The following ZFHX3 variants were observed in gnomAD, a reference collection of about 807,000 sequenced individuals.
The protein encoded by ZFHX3 is zinc finger homeobox protein 3.
In ZFHX3, 42 loss-of-function variants were observed where a neutral mutation model predicts 279.1. That is an observed-to-expected ratio of 0.15 (90% confidence interval 0.12 to 0.19). The LOEUF (loss-of-function observed/expected upper bound fraction) is 0.19, where lower values mean the gene tolerates loss of function less well. ZFHX3 is among the 10% of genes least tolerant of loss of function. ZFHX3 has a pLI of 1.00. For synonymous variants in ZFHX3, 2,293 were observed against 1,957.8 expected, an observed-to-expected ratio of 1.17 and a Z score of -4.52; for missense variants, 4,981 against 4,754.0, an observed-to-expected ratio of 1.05 and a Z score of -1.40.
chr16:72,957,328 C>G, intron 2 of ZFHX3, 99 bp downstream of exon 2: 2 of 1,412,800 alleles, frequency 1.4e-6, no homozygotes, highest in Non-Finnish European at 1.9e-6. Flanking sequence ...CTCGAGAAGA[C>G]CAGAGTCAAC....
chr16:73,879,145 T>C (rs1235220428), intron 1 of ZFHX3, among the ~76,000 whole-genome samples: 2 of 151,402 alleles, frequency 1.3e-5, no homozygotes, highest in African/African-American at 4.9e-5. Context: ...GACCTTGGGG[T>C]CCTTTTCTGC....
intron 4 of ZFHX3, among the ~76,000 whole-genome samples, chr16:72,833,037 C>A (rs2037102322): frequency 6.6e-6 from 1 of 152,186 alleles, no homozygotes; most frequent in Non-Finnish European, 1.5e-5. Flanking sequence ...GAGATGCAAA[C>A]TGAAAATTTG....
At chr16:73,358,100 G>C (rs1175106422) in intron 3 of ZFHX3, among the ~76,000 whole-genome samples, 1 of 152,180 alleles carries the variant, frequency 6.6e-6, no homozygotes, top group South Asian at 2.1e-4. Flanking sequence ...TAACTCTTCT[G>C]TATCTGTCAA....
At chr16:73,315,818 C>T (rs1421180940) in intron 4 of ZFHX3, among the ~76,000 whole-genome samples, 1 of 152,196 alleles carries the variant, frequency 6.6e-6, no homozygotes, top group African/African-American at 2.4e-5. Context: ...TCATTGCCCA[C>T]TCACTTCCCG....
chr16:73,036,663 G>A (rs1252655951), intron 1 of ZFHX3, among the ~76,000 whole-genome samples: 4 of 152,014 alleles, frequency 2.6e-5, no homozygotes, highest in South Asian at 2.1e-4. Context: ...GGGGGACTGG[G>A]TGTATCAGGG....
chr16:73,398,380 A>C (rs1030771446), intron 3 of ZFHX3, among the ~76,000 whole-genome samples: 1 of 152,200 alleles, frequency 6.6e-6, no homozygotes, highest in Non-Finnish European at 1.5e-5. Context: ...GATAAACAAC[A>C]CATCAGCATT....
intron 5 of ZFHX3, among the ~76,000 whole-genome samples, chr16:73,173,924 G>C (rs1967598782): frequency 6.6e-6 from 1 of 152,178 alleles, no homozygotes; most frequent in African/African-American, 2.4e-5. Flanking sequence ...TGGTGTTGGG[G>C]TGGAACCATG....
chr16:73,358,265 C>G (rs2016377846), intron 3 of ZFHX3, among the ~76,000 whole-genome samples: 1 of 152,260 alleles, frequency 6.6e-6, no homozygotes, highest in Non-Finnish European at 1.5e-5. Context: ...TGAACCACTT[C>G]TAATGGATAG....
intron 2 of ZFHX3, among the ~76,000 whole-genome samples, chr16:73,523,074 G>T (rs2019633317): frequency 6.6e-6 from 1 of 152,116 alleles, no homozygotes; most frequent in African/African-American, 2.4e-5. Context: ...ATTTGGGTAG[G>T]GACACAGCCA....
intron 4 of ZFHX3, among the ~76,000 whole-genome samples, chr16:73,265,699 G>A (rs1345320465): frequency 6.6e-6 from 1 of 152,070 alleles, no homozygotes; most frequent in Non-Finnish European, 1.5e-5. Context: ...AATTTCCCTG[G>A]CCAGTTTTCT....
intron 3 of ZFHX3, among the ~76,000 whole-genome samples, chr16:73,449,880 G>A (rs184612261): frequency 0.028 from 4,133 of 146,516 alleles, 175 homozygotes; most frequent in African/African-American, 0.1. Context: ...ACTATATTCT[G>A]GCAAAAAAAA....
At chr16:73,211,520 G>A (rs181313000) in intron 5 of ZFHX3, among the ~76,000 whole-genome samples, 150 of 152,182 alleles carry the variant, frequency 9.9e-4, no homozygotes, top group African/African-American at 3.4e-3. Context: ...AAAGCACGGG[G>A]AAATATACCT....
intron 3 of ZFHX3, among the ~76,000 whole-genome samples, chr16:73,352,974 T>C (rs1404003060): frequency 1.3e-5 from 2 of 151,666 alleles, no homozygotes; most frequent in East Asian, 3.9e-4. Context: ...GGTCCAGGGG[T>C]AGAGAGTTGC....
At chr16:73,155,954 C>T (rs190404371) in intron 5 of ZFHX3, among the ~76,000 whole-genome samples, 2 of 151,754 alleles carry the variant, frequency 1.3e-5, no homozygotes, top group South Asian at 2.1e-4. Flanking sequence ...ATAAAGTGGT[C>T]GGGTGTGGTA....
intron 3 of ZFHX3, among the ~76,000 whole-genome samples, chr16:73,357,938 C>T (rs1305913955): frequency 1.3e-5 from 2 of 152,176 alleles, no homozygotes; most frequent in African/African-American, 4.8e-5. Flanking sequence ...TACCCTGGGC[C>T]CACCCAGCAA....
chr16:73,238,310 CA>C (rs2013016314), intron 5 of ZFHX3, among the ~76,000 whole-genome samples: 1 of 152,090 alleles, frequency 6.6e-6, no homozygotes, highest in Non-Finnish European at 1.5e-5. Flanking sequence ...ATCTCCATCC[CA>C]AACCACTCTC....
At chr16:73,867,668 G>C (rs935546099) in intron 1 of ZFHX3, among the ~76,000 whole-genome samples, 1 of 152,180 alleles carries the variant, frequency 6.6e-6, no homozygotes, top group Non-Finnish European at 1.5e-5. Context: ...TAGTAAGAAG[G>C]TATAGTGGAC....
chr16:73,602,309 A>T (rs1488884007), intron 2 of ZFHX3, among the ~76,000 whole-genome samples: 1 of 152,186 alleles, frequency 6.6e-6, no homozygotes, highest in East Asian at 1.9e-4. Context: ...AGTCCTAGAG[A>T]TAAATGTATA....
rs190114173 is a variant in ZFHX3, at chr16:73,620,300, T to G, written c.-1547+59880A>C. 2.3e-3 allele frequency among the ~76,000 whole-genome samples: 348 copies of G among 152,318 alleles called. 5 individuals are homozygous for G. The highest frequency in any genetic ancestry group is 0.02 in the Admixed American group (303 of 15,304). ...CACATGTGTTTCTCAGGTTGAGACT[T>G]ATAAAGTGAAGCACTGATTTCAAGT... On this transcript the variant is annotated intron_variant, in intron 2 of 17. Coordinates refer to the ZFHX3 transcript ENST00000641206.
Sources: allele counts gnomAD v4.1 joint callset (sites outside exome capture counted in the v4.1 genomes callset), GRCh38; gene constraint gnomAD v4.1.1; transcripts MANE v1.5; gene names NCBI Gene and HGNC (gene_info 2026-07-23, HGNC 2026-07-21).